The following UBAC2 variants were observed in gnomAD, a reference collection of about 807,000 sequenced individuals.
UBAC2 encodes ubiquitin-associated domain-containing protein 2.
UBAC2 carries 26 observed loss-of-function variants against 44.0 expected under a neutral mutation model. That is an observed-to-expected ratio of 0.59 (90% CI 0.43 to 0.82). UBAC2 has a LOEUF of 0.82. UBAC2 is among the 40% of genes least tolerant of loss of function. The pLI is 0.00. For synonymous variants in UBAC2, 155 were observed against 154.3 expected (o/e 1.00, Z -0.04); for missense variants, 329 against 419.4 (o/e 0.78, Z 1.88).
At chr13:99,368,234 G>A (rs1426992883) in intron 8 of UBAC2, among the ~76,000 whole-genome samples, 5 of 152,114 alleles carry the variant, frequency 3.3e-5, no homozygotes, top group African/African-American at 1.2e-4. Context: ...GGATGGGGAG[G>A]GAGTGTGCCT....
At chr13:99,351,629 G>T in intron 7 of UBAC2, 2 of 456,714 alleles carry the variant, frequency 4.4e-6, no homozygotes, top group Non-Finnish European at 8.8e-6. Flanking sequence ...CTGATGATGA[G>T]AATTCTGTTA....
intron 6 of UBAC2, among the ~76,000 whole-genome samples, chr13:99,318,308 C>T (rs2044520533): frequency 1.3e-5 from 2 of 151,886 alleles, no homozygotes; most frequent in African/African-American, 4.8e-5. Context: ...GCTGGGATTA[C>T]AGGTGTGTGC....
chr13:99,353,297 C>T (rs1367151100), intron 7 of UBAC2, among the ~76,000 whole-genome samples: 2 of 152,228 alleles, frequency 1.3e-5, no homozygotes, highest in Non-Finnish European at 2.9e-5. Flanking sequence ...CAATCTGTAC[C>T]TCCTTGCAGA....
In UBAC2 at chr13:99,328,380, A is replaced by G. The variant is rs1364937326; in HGVS notation, c.561+10311A>G. Among the ~76,000 whole-genome samples the G allele has an allele frequency of 2.0e-5, 3 of 152,356 alleles. No homozygotes were observed. In the East Asian group the frequency reaches 5.8e-4, roughly 29 times the overall value. Reference sequence around the variant, plus strand: ...TCTTTAGGAACGGAATTGCTGGGTCATATGGTAAGTGTATATTTGACATTA... The same window carrying G: ...TCTTTAGGAACGGAATTGCTGGGTCGTATGGTAAGTGTATATTTGACATTA... On this transcript the variant is annotated intron_variant, in intron 6 of 8. Transcript: ENST00000403766.
chr13:99,267,143 A>G (rs1220160836), intron 4 of UBAC2, among the ~76,000 whole-genome samples: 3 of 151,802 alleles, frequency 2.0e-5, no homozygotes, highest in African/African-American at 7.3e-5. Flanking sequence ...GAATCTTTTC[A>G]TGGGCTTCTT....
intron 4 of UBAC2, among the ~76,000 whole-genome samples, chr13:99,258,788 C>G (rs201273165): frequency 6.6e-6 from 1 of 152,172 alleles, no homozygotes; most frequent in Non-Finnish European, 1.5e-5. Context: ...ATCCCAAGTG[C>G]TTAATAGTAC....
intron 1 of UBAC2, 81 bp from the exon 2 acceptor site, chr13:99,238,346 G>T (rs1414773590): frequency 1.8e-5 from 27 of 1,515,884 alleles, no homozygotes; most frequent in Non-Finnish European, 2.3e-5. Flanking sequence ...TAAAAGAAGT[G>T]AATTCTCTTG....
rs763138632 is a variant in UBAC2, at chr13:99,295,267, T to G, written c.390-18830T>G. The stretch of plus-strand genomic sequence containing the variant: ...AGCAATTGAAGTTCATCAGGCATAC[T>G]GTAAAGTGCAGAGAAATCTGGAACG... On this transcript the variant is annotated intron_variant, in intron 4 of 8. Transcript: ENST00000403766. The surrounding 1 kb of genome is among the most constrained non-coding windows in gnomAD (Gnocchi z 4.1). The G allele has an allele frequency of 5.6e-6, 9 of 1,614,056 alleles. No homozygotes were observed. In the South Asian group the frequency reaches 9.9e-5, roughly 18 times the overall value.
Position 99,295,486 on chromosome 13 carries a change from G to A in UBAC2, c.390-18611G>A. On this transcript the variant is annotated intron_variant, in intron 4 of 8. Transcript: ENST00000403766. This position sits in a 1 kb window ranked among gnomAD's most constrained non-coding sequence, Gnocchi z 4.1. ...GTTTGGCAGTTCTGAAGAGTTTGCAGCAGATCTGAGAATAGCAGATGAGAA... is the reference window on the plus strand; with the variant it reads ...GTTTGGCAGTTCTGAAGAGTTTGCAACAGATCTGAGAATAGCAGATGAGAA... The A allele has an allele frequency of 6.2e-7, 1 of 1,613,952 alleles. No individual in the cohort carries two copies.
chr13:99,269,958 T>G (rs1004931804), intron 4 of UBAC2, among the ~76,000 whole-genome samples: 1 of 152,240 alleles, frequency 6.6e-6, no homozygotes, highest in Non-Finnish European at 1.5e-5. Flanking sequence ...CCTTTAACAG[T>G]TTGATACCCT....
chr13:99,320,584 G>A (rs2044554870), intron 6 of UBAC2, among the ~76,000 whole-genome samples: 2 of 152,082 alleles, frequency 1.3e-5, no homozygotes, highest in Admixed American at 6.6e-5. Flanking sequence ...ATAATTAGAT[G>A]ACTGTTTATT....
chr13:99,333,158 A>G (rs1281440544), intron 6 of UBAC2, among the ~76,000 whole-genome samples: 1 of 152,238 alleles, frequency 6.6e-6, no homozygotes, highest in Admixed American at 6.5e-5. Context: ...TGAATGTAAC[A>G]TAGTATTATA....
intron 7 of UBAC2, among the ~76,000 whole-genome samples, chr13:99,359,169 G>A (rs965077294): frequency 1.3e-5 from 2 of 152,192 alleles, no homozygotes; most frequent in Admixed American, 6.5e-5. Flanking sequence ...AGAGAATGTC[G>A]AGGAAGAGTG....
At position 99,232,399 on chromosome 13, in the gene UBAC2, G is replaced by GATATATATATATACATAT. The variant is rs1555321112; in HGVS notation, c.32-6023_32-6022insTATATATACATATATATA. Among the ~76,000 whole-genome samples the GATATATATATATACATAT allele has an allele frequency of 1.8e-5, 2 of 109,902 alleles. 1 individual carries two copies. The allele number at this position is 109,902 out of a possible 152,430, so 72.1% of individuals were successfully genotyped here. On this transcript the variant is annotated intron_variant, in intron 1 of 8. Transcript: ENST00000403766. ...AGACCCTGTCCATCCTTAGTTGAGAGATATAGATATATATATATATATTCA... is the reference window on the plus strand; with the variant it reads ...AGACCCTGTCCATCCTTAGTTGAGAGATATATATATATACATATATATAGATATATATATATATATTCA...
chr13:99,331,115 C>G (rs918110901), intron 6 of UBAC2, among the ~76,000 whole-genome samples: 2 of 152,212 alleles, frequency 1.3e-5, no homozygotes, highest in Non-Finnish European at 2.9e-5. Flanking sequence ...ATCTCTTATC[C>G]TTCGCCTCTC....
chr13:99,291,391 T>G (rs193220513), intron 4 of UBAC2, among the ~76,000 whole-genome samples: 21 of 152,336 alleles, frequency 1.4e-4, no homozygotes, highest in African/African-American at 4.8e-4. Context: ...ACCGGGTCAC[T>G]TGTAATCCAC....
At chr13:99,228,291 A>T (rs76167596) in intron 1 of UBAC2, among the ~76,000 whole-genome samples, 6 of 145,246 alleles carry the variant, frequency 4.1e-5, no homozygotes, top group African/African-American at 2.6e-5. Flanking sequence ...ATATTCATTC[A>T]TTTTTTTTTT....
chr13:99,380,324 G>A (rs1253705219), intron 8 of UBAC2, among the ~76,000 whole-genome samples: 1 of 152,164 alleles, frequency 6.6e-6, no homozygotes, highest in Non-Finnish European at 1.5e-5. Context: ...TTCACATGCC[G>A]AGTAAGCTTT....
chr13:99,228,201 CAG>C (rs2043132640), intron 1 of UBAC2, among the ~76,000 whole-genome samples: 1 of 152,182 alleles, frequency 6.6e-6, no homozygotes, highest in South Asian at 2.1e-4. Flanking sequence ...GCAGTCCTGT[CAG>C]AGTCACAAAG....
Sources: allele counts gnomAD v4.1 joint callset (sites outside exome capture counted in the v4.1 genomes callset), GRCh38; gene constraint gnomAD v4.1.1; non-coding constraint Gnocchi (gnomAD v3.1); transcripts MANE v1.5; gene names NCBI Gene and HGNC (gene_info 2026-07-23, HGNC 2026-07-21).